The following MAGI1 variants were observed in gnomAD, a reference collection of about 807,000 sequenced individuals.
MAGI1 encodes the protein membrane associated guanylate kinase, WW and PDZ domain containing 1, also known as membrane-associated guanylate kinase, WW and PDZ domain-containing protein 1.
In MAGI1, 58 loss-of-function variants were observed where a neutral mutation model predicts 139.9. That is an observed-to-expected ratio of 0.41 (90% CI 0.34 to 0.52). The LOEUF is 0.52. Ranked by LOEUF, MAGI1 falls within the 20% of genes least tolerant of loss-of-function variation. MAGI1 has a pLI of 0.12. For missense variants in MAGI1, 1,874 were observed against 1,901.6 expected, an observed-to-expected ratio of 0.99 and a Z score of 0.27; for synonymous variants, 812 against 737.9, an observed-to-expected ratio of 1.10 and a Z score of -1.63.
chr3:65,405,435 A>G (rs1398109174), intron 12 of MAGI1, among the ~76,000 whole-genome samples: 1 of 152,222 alleles, frequency 6.6e-6, no homozygotes, highest in Non-Finnish European at 1.5e-5. Flanking sequence ...TTTGCAAAGA[A>G]AGGCTAGAAG....
intron 1 of MAGI1, among the ~76,000 whole-genome samples, chr3:65,776,700 G>A (rs1040043504): frequency 5.9e-5 from 9 of 152,104 alleles, no homozygotes; most frequent in East Asian, 1.9e-4. Flanking sequence ...TACTCCCCCC[G>A]CAACACACAC....
intron 1 of MAGI1, among the ~76,000 whole-genome samples, chr3:65,934,285 G>A (rs1290713083): frequency 6.7e-6 from 1 of 149,564 alleles, no homozygotes; most frequent in Non-Finnish European, 1.5e-5. Context: ...AAGATAGGGA[G>A]AGGATCTTGC....
chr3:65,834,186 A>AGTAAGAGGAG (rs1559926475), intron 1 of MAGI1, among the ~76,000 whole-genome samples: 2 of 152,234 alleles, frequency 1.3e-5, no homozygotes, highest in South Asian at 4.1e-4. Context: ...GGAGGTAGGA[A>AGTAAGAGGAG]CATGAAGATA....
intron 2 of MAGI1, among the ~76,000 whole-genome samples, chr3:65,506,993 A>T (rs149256207): frequency 1.2e-3 from 188 of 152,336 alleles, no homozygotes; most frequent in African/African-American, 4.3e-3. Flanking sequence ...CGAACATGTA[A>T]ATTTTATTTT....
intron 1 of MAGI1, among the ~76,000 whole-genome samples, chr3:65,692,732 G>T (rs2088789998): frequency 6.6e-6 from 1 of 152,128 alleles, no homozygotes; most frequent in African/African-American, 2.4e-5. Context: ...GGGTTATCGA[G>T]GGAGTGGGTG....
chr3:65,994,429 A>T (rs968358858), intron 1 of MAGI1, among the ~76,000 whole-genome samples: 1 of 152,114 alleles, frequency 6.6e-6, no homozygotes, highest in African/African-American at 2.4e-5. Context: ...CCCTCCTCAT[A>T]TGCTAAGCAC....
At chr3:65,969,519 C>T (rs1261753357) in intron 1 of MAGI1, among the ~76,000 whole-genome samples, 1 of 152,152 alleles carries the variant, frequency 6.6e-6, no homozygotes, top group Non-Finnish European at 1.5e-5. Flanking sequence ...CTTGCTCATT[C>T]ACCTTCCCAA....
At chr3:65,427,041 T>C (rs1198834623) in intron 12 of MAGI1, among the ~76,000 whole-genome samples, 1 of 152,156 alleles carries the variant, frequency 6.6e-6, no homozygotes, top group East Asian at 1.9e-4. Context: ...TAGTCAGGTG[T>C]GGTGGCTCAT....
intron 1 of MAGI1, among the ~76,000 whole-genome samples, chr3:65,866,789 G>GAA (rs111427074): frequency 2.0e-4 from 31 of 151,240 alleles, no homozygotes; most frequent in East Asian, 1.8e-3. Flanking sequence ...AATCAGCTAG[G>GAA]AAAAAAGAAC....
At chr3:65,788,209 G>A (rs2039524897) in intron 1 of MAGI1, among the ~76,000 whole-genome samples, 1 of 152,182 alleles carries the variant, frequency 6.6e-6, no homozygotes, top group Admixed American at 6.5e-5. Context: ...TATGTTACAA[G>A]TGCTTGAAGG....
intron 1 of MAGI1, among the ~76,000 whole-genome samples, chr3:65,962,285 A>AT (rs553825279): frequency 4.7e-5 from 7 of 150,076 alleles, no homozygotes; most frequent in East Asian, 2.0e-4. Context: ...TGCCCGGCTA[A>AT]TTTTTTTTTG....
chr3:65,470,120 A>T (rs773212822), intron 5 of MAGI1, 163 bp downstream of exon 5: 53 of 572,020 alleles, frequency 9.3e-5, no homozygotes, highest in Middle Eastern at 4.6e-4. Context: ...AGTTGGTAAT[A>T]ATTAATTACC....
At chr3:65,758,641 G>A (rs2036749298) in intron 1 of MAGI1, among the ~76,000 whole-genome samples, 2 of 152,242 alleles carry the variant, frequency 1.3e-5, no homozygotes, top group African/African-American at 4.8e-5. Context: ...CACAAATGGA[G>A]GATGCTACTG....
At chr3:65,749,585 A>G (rs2035972925) in intron 1 of MAGI1, among the ~76,000 whole-genome samples, 1 of 152,022 alleles carries the variant, frequency 6.6e-6, no homozygotes, top group Admixed American at 6.6e-5. Context: ...TACTGCTTGC[A>G]TGATGGGTGC....
At chr3:65,401,770 G>T in intron 12 of MAGI1, 1 of 1,394,698 alleles carries the variant, frequency 7.2e-7, no homozygotes, top group Non-Finnish European at 9.3e-7. Context: ...TGAACACTTG[G>T]ACAGAATCTC....
At chr3:65,599,599 T>G (rs550975575) in intron 2 of MAGI1, among the ~76,000 whole-genome samples, 1 of 152,312 alleles carries the variant, frequency 6.6e-6, no homozygotes, top group African/African-American at 2.4e-5. Flanking sequence ...AACTCTCTAC[T>G]TGTTATACAG....
chr3:65,858,102 T>C (rs1003969369), intron 1 of MAGI1, among the ~76,000 whole-genome samples: 1 of 143,438 alleles, frequency 7.0e-6, no homozygotes, highest in East Asian at 1.9e-4. Flanking sequence ...GAGAGACACA[T>C]TGTCTCAAAA....
At chr3:65,360,255 C>T (rs1575594860) in intron 22 of MAGI1, 2 of 984,834 alleles carry the variant, frequency 2.0e-6, no homozygotes, top group Admixed American at 6.2e-5. Context: ...TAAAGGGGAC[C>T]AACGTATCTG....
At chr3:66,033,131 C>T (rs2068730199) in intron 1 of MAGI1, among the ~76,000 whole-genome samples, 1 of 151,720 alleles carries the variant, frequency 6.6e-6, no homozygotes, top group Non-Finnish European at 1.5e-5. Flanking sequence ...TGGTCTCAAG[C>T]GATTCTCCCA....
Sources: gnomAD v4.1 joint callset for allele counts (sites outside exome capture counted in the v4.1 genomes callset) on GRCh38, gnomAD v4.1.1 for gene constraint, MANE v1.5 for transcripts, NCBI Gene and HGNC (gene_info 2026-07-23, HGNC 2026-07-21) for gene names.